DCC: variants seen among roughly 807,000 people sequenced by gnomAD.
DCC encodes DCC netrin 1 receptor, also known as netrin receptor DCC.
In DCC, 58 loss-of-function variants were observed where a neutral mutation model predicts 172.5. The ratio of observed to expected loss-of-function variants is 0.34; its 90% CI spans 0.27 to 0.42. The LOEUF is 0.42. Ranked by LOEUF, DCC falls within the 10% of genes least tolerant of loss-of-function variation. DCC has a pLI of 1.00. For missense variants in DCC, 1,740 were observed against 1,791.0 expected (o/e 0.97, Z 0.51); for synonymous variants, 709 against 644.5 (o/e 1.10, Z -1.52).
At chr18:53,320,842 A>T (rs1365550601) in intron 13 of DCC, among the ~76,000 whole-genome samples, 2 of 152,198 alleles carry the variant, frequency 1.3e-5, no homozygotes, top group Non-Finnish European at 2.9e-5. Flanking sequence ...AAGAGCACCA[A>T]TGATAGTCTC....
intron 1 of DCC, among the ~76,000 whole-genome samples, chr18:52,684,726 T>C (rs980014113): frequency 7.2e-6 from 1 of 138,932 alleles, no homozygotes; most frequent in Non-Finnish European, 1.5e-5. Context: ...TTACATAGTT[T>C]CCAAAACACT....
chr18:52,853,230 A>G (rs536377533), intron 2 of DCC, among the ~76,000 whole-genome samples: 3 of 152,300 alleles, frequency 2.0e-5, no homozygotes, highest in Non-Finnish European at 4.4e-5. Context: ...GGTCAGGTTC[A>G]GAAGTTTAGT....
At chr18:53,345,278 G>C (rs999712442) in intron 15 of DCC, among the ~76,000 whole-genome samples, 1 of 151,998 alleles carries the variant, frequency 6.6e-6, no homozygotes, top group Non-Finnish European at 1.5e-5. Context: ...CCTGCTCTTA[G>C]TGATTGCTCT....
chr18:53,083,772 A>T (rs200796908), intron 7 of DCC, among the ~76,000 whole-genome samples: 1 of 152,174 alleles, frequency 6.6e-6, no homozygotes, highest in East Asian at 1.9e-4. Flanking sequence ...TTTCCTTACT[A>T]TGTTTCCAGA....
rs181334769 is a variant in DCC, at chr18:53,428,306, G to C, written c.3164-6838G>C. Among the ~76,000 whole-genome samples, 193 of 22,522 alleles carry C rather than the reference G, an allele frequency of 8.6e-3. 20 individuals carry two copies. Among genetic ancestry groups the C allele is most frequent in the African/African-American group, 0.017 (163 of 9,860 alleles). The allele number at this position is 22,522 out of a possible 152,430, so 14.8% of individuals were successfully genotyped here. On this transcript the variant is annotated intron_variant, in intron 21 of 28. Transcript: ENST00000442544. ...ATTATATAGAATATAATAATATATA[G>C]AATATAATATATAATATAATATAAT...
At chr18:53,039,090 T>G (rs2042133961) in intron 5 of DCC, among the ~76,000 whole-genome samples, 2 of 151,938 alleles carry the variant, frequency 1.3e-5, no homozygotes, top group Non-Finnish European at 2.9e-5. Context: ...ATCCCAATAG[T>G]TTTAGAAGCT....
chr18:53,338,886 C>T (rs1235731228), intron 14 of DCC, among the ~76,000 whole-genome samples: 1 of 152,142 alleles, frequency 6.6e-6, no homozygotes, highest in East Asian at 1.9e-4. Flanking sequence ...CTTCATTCTA[C>T]AGGTAGGGAA....
chr18:53,233,065 A>G (rs531107228), intron 12 of DCC, among the ~76,000 whole-genome samples: 52 of 152,034 alleles, frequency 3.4e-4, no homozygotes, highest in African/African-American at 1.3e-3. Flanking sequence ...CCTTTATACT[A>G]TCATCATTTA....
At chr18:53,489,610 T>C (rs2045938673) in intron 26 of DCC, among the ~76,000 whole-genome samples, 1 of 152,142 alleles carries the variant, frequency 6.6e-6, no homozygotes, top group Non-Finnish European at 1.5e-5. Context: ...GTGGAAACTC[T>C]TTTTCCTCCA....
intron 19 of DCC, among the ~76,000 whole-genome samples, chr18:53,407,556 T>TATATATATATATATATA (rs1192623109): frequency 1.4e-5 from 2 of 140,384 alleles, no homozygotes; most frequent in Non-Finnish European, 3.1e-5. Context: ...TATATATATA[T>TATATATATATATATATA]TCACTATTAC....
chr18:53,230,617 T>C (rs1435776749), intron 12 of DCC, among the ~76,000 whole-genome samples: 1 of 152,092 alleles, frequency 6.6e-6, no homozygotes, highest in African/African-American at 2.4e-5. Context: ...GAAATTTAAA[T>C]CATCAAAGTA....
chr18:52,457,652 C>T (rs1988500060), intron 1 of DCC, among the ~76,000 whole-genome samples: 1 of 152,010 alleles, frequency 6.6e-6, no homozygotes. Context: ...TAAGTATATG[C>T]TTAAGATGGT....
At chr18:52,342,488 A>C (rs1036103097) in intron 1 of DCC, among the ~76,000 whole-genome samples, 7 of 151,984 alleles carry the variant, frequency 4.6e-5, no homozygotes, top group Non-Finnish European at 8.8e-5. Context: ...TCTCCACAGT[A>C]ATGAATAGGT....
intron 1 of DCC, among the ~76,000 whole-genome samples, chr18:52,436,217 G>C (rs1987789922): frequency 6.6e-6 from 1 of 152,260 alleles, no homozygotes; most frequent in South Asian, 2.1e-4. Context: ...GAAAGAGCTA[G>C]GGGAAACCCC....
At chr18:52,801,945 T>G (rs7228674) in intron 2 of DCC, among the ~76,000 whole-genome samples, 99,684 of 151,850 alleles carry the variant, frequency 0.66, 33,524 homozygotes, top group East Asian at 0.85. Context: ...AAGCCAGATG[T>G]GTCTATGAAT....
At chr18:52,817,756 C>G (rs181746530) in intron 2 of DCC, among the ~76,000 whole-genome samples, 1 of 151,898 alleles carries the variant, frequency 6.6e-6, no homozygotes, top group Non-Finnish European at 1.5e-5. Flanking sequence ...TGGATATTTT[C>G]TTTAGGAAAA....
intron 7 of DCC, among the ~76,000 whole-genome samples, chr18:53,135,301 A>G (rs977032677): frequency 1.1e-4 from 17 of 152,170 alleles, no homozygotes; most frequent in African/African-American, 4.1e-4. Context: ...CAAGAGATGG[A>G]GGTGGGATCA....
chr18:53,250,909 C>T (rs751454257), intron 12 of DCC, among the ~76,000 whole-genome samples: 1 of 151,898 alleles, frequency 6.6e-6, no homozygotes, highest in Non-Finnish European at 1.5e-5. Context: ...CTGTTCTCAT[C>T]GAGGTCATCC....
intron 8 of DCC, among the ~76,000 whole-genome samples, chr18:53,163,925 G>C (rs541088887): frequency 3.3e-5 from 5 of 152,282 alleles, no homozygotes; most frequent in African/African-American, 1.2e-4. Context: ...TACTCTGCCA[G>C]ATACTAGGCT....
Sources: allele counts gnomAD v4.1 joint callset (sites outside exome capture counted in the v4.1 genomes callset), GRCh38; gene constraint gnomAD v4.1.1; transcripts MANE v1.5; gene names NCBI Gene and HGNC (gene_info 2026-07-23, HGNC 2026-07-21).